The following RPA2 variants were observed in gnomAD, a reference collection of about 807,000 sequenced individuals.
RPA2 encodes the protein replication protein A2.
Under a neutral mutation model 33.4 loss-of-function variants are expected in RPA2, and 22 were observed. The ratio of observed to expected loss-of-function variants is 0.66; its 90% confidence interval spans 0.47 to 0.94. The LOEUF (loss-of-function observed/expected upper bound fraction) is 0.94. Among genes scored for constraint, RPA2 ranks in the 40% least tolerant of loss-of-function variants. The pLI is 0.00. For synonymous variants in RPA2, 109 were observed against 114.9 expected, an observed-to-expected ratio of 0.95 and a Z score of 0.33; for missense variants, 279 against 329.9, an observed-to-expected ratio of 0.85 and a Z score of 1.19.
rs901181022 is a variant in RPA2, at chr1:27,894,864, T to C, written c.526-467A>G. 3.3e-5 allele frequency among the ~76,000 whole-genome samples: 5 copies of C among 152,132 alleles called. No individual in the cohort carries two copies. The South Asian group carries it at 8.3e-4, about 25-fold the overall frequency. On this transcript the variant is annotated intron_variant, in intron 6 of 8. Transcript: ENST00000373912. ...CTCTGCAATCACTATTTTCATTTCC[T>C]TTCTCCCCAGTCACTCCTCAGCCCA...
Position 27,906,958 on chromosome 1 carries a change from G to A in RPA2, c.303C>T (p.Pro101=). 1.2e-6 allele frequency: 2 copies of A among 1,613,622 alleles called. No homozygotes were observed. Among genetic ancestry groups the A allele is most frequent in the African/African-American group, 1.3e-5 (1 of 74,980 alleles). ...TGTCAACCCACTGGCGAACGTCCAT[G>A]GGTGCAGCTGTCATGTCATCTATTT... ...VYKIDDMTAA[P]MDVRQWVDTD... Residue 101 remains proline (P), a synonymous_variant, in exon 4 of 9, where the codon CCC becomes CCT. Transcript: ENST00000373912.
intron 4 of RPA2, among the ~76,000 whole-genome samples, chr1:27,900,642 T>C (rs540959498): frequency 1.3e-5 from 2 of 152,128 alleles, no homozygotes; most frequent in South Asian, 2.1e-4. Context: ...TGTAACTTTA[T>C]GGTAAAACTT....
intron 8 of RPA2, 28 bp downstream of exon 8, chr1:27,893,983 GC>G (rs2089858020): frequency 6.4e-7 from 1 of 1,570,208 alleles, no homozygotes; most frequent in Admixed American, 1.7e-5. Flanking sequence ...CAATGCCAGA[GC>G]CTGAGCTCAT....
chr1:27,895,135 A>G (rs1418702165), intron 6 of RPA2, among the ~76,000 whole-genome samples: 1 of 152,114 alleles, frequency 6.6e-6, no homozygotes, highest in Non-Finnish European at 1.5e-5. Flanking sequence ...AGCCTCTTCT[A>G]TCTGTCTCCC....
intron 4 of RPA2, among the ~76,000 whole-genome samples, chr1:27,899,044 A>G (rs1218140710): frequency 6.6e-6 from 1 of 152,116 alleles, no homozygotes; most frequent in African/African-American, 2.4e-5. Context: ...CTCGTCTCTA[A>G]AAACAAACAA....
chr1:27,914,350 C>T (rs772946152), intron 1 of RPA2, 84 bp downstream of exon 1: 1 of 1,614,068 alleles, frequency 6.2e-7, no homozygotes. Flanking sequence ...CCCGCTACCA[C>T]ACGCCTCTCG....
intron 2 of RPA2, 143 bp downstream of exon 2, chr1:27,913,920 A>AT (rs1222163536): frequency 2.4e-6 from 2 of 820,814 alleles, no homozygotes; most frequent in African/African-American, 3.5e-5. Flanking sequence ...ACAGCACTTA[A>AT]TTATAAGAGA....
intron 2 of RPA2, among the ~76,000 whole-genome samples, chr1:27,908,789 C>T (rs959489452): frequency 1.3e-5 from 2 of 152,180 alleles, no homozygotes; most frequent in African/African-American, 2.4e-5. Context: ...TGAGCCACCG[C>T]GCCAGGCCCA....
At chr1:27,892,283 A>G in intron 8 of RPA2, 36 bp from the exon 9 acceptor site, 4 of 1,574,192 alleles carry the variant, frequency 2.5e-6, no homozygotes. Flanking sequence ...GGTCATTTTC[A>G]GGCCAATTCA....
intron 2 of RPA2, among the ~76,000 whole-genome samples, chr1:27,912,803 AT>A (rs1177985550): frequency 6.6e-6 from 1 of 152,152 alleles, no homozygotes; most frequent in Admixed American, 6.6e-5. Context: ...TGTATATAAT[AT>A]TAAGTCTCAC....
rs770834134 is a variant in RPA2 at position 27,897,112 on chromosome 1, T to C, written c.418A>G (p.Ser140Gly). ...GGCATGATCTTAAAGGCTACCAGGCTCTTTTTGTTCTATTAAAATGAAGGA... is the reference window on the plus strand; with the variant it reads ...GGCATGATCTTAAAGGCTACCAGGCCCTTTTTGTTCTATTAAAATGAAGGA... ...GHLRSFQNKK[S>G]LVAFKIMPLE... The change falls in exon 6 of 9, where the codon AGC becomes GGC. Residue 140 changes from serine to glycine, a missense_variant. Around this residue, in one of 2 missense-constraint regions of RPA2, gnomAD observed 274 missense variants for 310.3 expected, o/e 0.88. Coordinates refer to ENST00000373912, the MANE Select transcript of RPA2 (RefSeq NM_002946.5). 1 of 1,607,604 alleles carries C rather than the reference T, an allele frequency of 6.2e-7. No homozygotes were observed. The highest frequency in any genetic ancestry group is 8.5e-7 in the Non-Finnish European group (1 of 1,177,604).
chr1:27,909,186 A>G (rs2090067698), intron 2 of RPA2, among the ~76,000 whole-genome samples: 1 of 152,218 alleles, frequency 6.6e-6, no homozygotes, highest in Non-Finnish European at 1.5e-5. Flanking sequence ...GAAGTGGACC[A>G]ATACCTGTAC....
chr1:27,913,470 C>T (rs2090126118), intron 2 of RPA2, among the ~76,000 whole-genome samples: 1 of 151,360 alleles, frequency 6.6e-6, no homozygotes, highest in African/African-American at 2.4e-5. Context: ...TGCCTGTAAT[C>T]CCAGCTACTC....
intron 2 of RPA2, among the ~76,000 whole-genome samples, chr1:27,912,779 T>C (rs1265925037): frequency 6.6e-6 from 1 of 152,158 alleles, no homozygotes; most frequent in Non-Finnish European, 1.5e-5. Context: ...TCTGGCTCCA[T>C]AGCCTGTATT....
upstream of RPA2, chr1:27,914,740 C>T: frequency 6.6e-7 from 1 of 1,508,454 alleles, no homozygotes; most frequent in Non-Finnish European, 9.1e-7. Flanking sequence ...AAACCCTCCG[C>T]ACTAGCGGAA....
At chr1:27,905,481 G>A (rs1287455648) in intron 4 of RPA2, among the ~76,000 whole-genome samples, 1 of 151,894 alleles carries the variant, frequency 6.6e-6, no homozygotes, top group Non-Finnish European at 1.5e-5. Context: ...TTTAGGAGAC[G>A]GAGTTTCACC....
intron 8 of RPA2, among the ~76,000 whole-genome samples, chr1:27,893,079 C>T (rs1157374187): frequency 6.6e-6 from 1 of 152,180 alleles, no homozygotes; most frequent in Non-Finnish European, 1.5e-5. Context: ...GTAACAGCAA[C>T]AGGACTGTAC....
chr1:27,902,377 G>A (rs1237979577), intron 4 of RPA2, among the ~76,000 whole-genome samples: 1 of 149,102 alleles, frequency 6.7e-6, no homozygotes, highest in East Asian at 2.0e-4. Flanking sequence ...TCTGCCTCCT[G>A]GGTTCAAGCG....
chr1:27,892,025 A>C lies in RPA2; in HGVS notation c.*138T>G. On this transcript the variant is annotated 3_prime_UTR_variant, in exon 9 of 9. Coordinates refer to ENST00000373912, the MANE Select transcript of RPA2 (RefSeq NM_002946.5). ...AAAACAGAAGAGCAGTAAGTTTCAA[A>C]AGGAAGTCAGAGGAGACATTTGATA... 1 of 615,294 alleles carries C rather than the reference A, an allele frequency of 1.6e-6. No homozygotes were observed. The highest frequency in any genetic ancestry group is 2.9e-6 in the Non-Finnish European group (1 of 348,736). 38.1% of individuals were successfully genotyped at this position (615,294 alleles called of 1,614,324 possible).
Sources: gnomAD v4.1 joint callset for allele counts (sites outside exome capture counted in the v4.1 genomes callset) on GRCh38, gnomAD v4.1.1 for gene constraint, gnomAD v4.1.1 regional missense constraint, MANE v1.5 for transcripts, NCBI Gene and HGNC (gene_info 2026-07-23, HGNC 2026-07-21) for gene names.